Variants in RIMS1 observed in about 807,000 individuals in gnomAD.
RIMS1 encodes the protein regulating synaptic membrane exocytosis protein 1.
Under a neutral mutation model 214.1 loss-of-function variants are expected in RIMS1, and 83 were observed. That is an observed-to-expected ratio of 0.39 (90% confidence interval 0.32 to 0.47). RIMS1 has a LOEUF of 0.47. RIMS1 is among the 20% of genes least tolerant of loss of function. The pLI is 0.99. For synonymous variants in RIMS1, 793 were observed against 786.8 expected (o/e 1.01, Z -0.13); for missense variants, 2,050 against 2,161.8 (o/e 0.95, Z 1.03).
intron 1 of RIMS1, among the ~76,000 whole-genome samples, chr6:71,894,209 C>T (rs2150371846): frequency 6.6e-6 from 1 of 152,270 alleles, no homozygotes; most frequent in East Asian, 1.9e-4. Flanking sequence ...CTTTGGGAGG[C>T]CAAAGCGGGT....
At chr6:71,919,936 T>C (rs946716303) in intron 1 of RIMS1, among the ~76,000 whole-genome samples, 2 of 152,162 alleles carry the variant, frequency 1.3e-5, no homozygotes, top group African/African-American at 4.8e-5. Flanking sequence ...CAACTCTGAC[T>C]TCAACTCCAA....
chr6:72,157,928 T>C (rs1229228213), intron 4 of RIMS1, among the ~76,000 whole-genome samples: 1 of 140,662 alleles, frequency 7.1e-6, no homozygotes, highest in Non-Finnish European at 1.6e-5. Flanking sequence ...AATCTTATGT[T>C]ATTAATGCTT....
intron 2 of RIMS1, among the ~76,000 whole-genome samples, chr6:72,018,500 A>G (rs923859845): frequency 2.0e-5 from 3 of 152,204 alleles, no homozygotes; most frequent in Admixed American, 6.5e-5. Context: ...GTTATAGAAT[A>G]GGCATTTATA....
At chr6:72,060,787 T>C (rs1004518536) in intron 2 of RIMS1, among the ~76,000 whole-genome samples, 2 of 152,254 alleles carry the variant, frequency 1.3e-5, no homozygotes, top group African/African-American at 4.8e-5. Context: ...AATTACTGAA[T>C]GTATAATCTT....
At chr6:71,898,043 T>C (rs949260910) in intron 1 of RIMS1, among the ~76,000 whole-genome samples, 2 of 152,154 alleles carry the variant, frequency 1.3e-5, no homozygotes, top group South Asian at 4.1e-4. Flanking sequence ...ATACTAGACA[T>C]TATAAGGTAA....
chr6:72,115,662 A>G (rs1034945187), intron 4 of RIMS1, among the ~76,000 whole-genome samples: 1 of 151,996 alleles, frequency 6.6e-6, no homozygotes, highest in Admixed American at 6.6e-5. Flanking sequence ...AAATTGTACT[A>G]TGTGAATTGG....
At chr6:72,037,559 C>T (rs1181162964) in intron 2 of RIMS1, among the ~76,000 whole-genome samples, 2 of 151,672 alleles carry the variant, frequency 1.3e-5, no homozygotes, top group East Asian at 3.9e-4. Flanking sequence ...ATCAAAAAAA[C>T]CCTACGTATA....
chr6:72,269,438 AG>A (rs2082028190), intron 22 of RIMS1, among the ~76,000 whole-genome samples: 1 of 152,156 alleles, frequency 6.6e-6, no homozygotes, highest in Non-Finnish European at 1.5e-5. Context: ...TTTCTATAAA[AG>A]GTTCCCACTC....
intron 2 of RIMS1, among the ~76,000 whole-genome samples, chr6:72,015,889 G>A (rs1410724497): frequency 6.6e-6 from 1 of 152,178 alleles, no homozygotes; most frequent in Admixed American, 6.5e-5. Context: ...TCGCGCCATT[G>A]TACTCCAGGC....
At chr6:71,977,433 T>C (rs768549531) in intron 2 of RIMS1, among the ~76,000 whole-genome samples, 2 of 152,188 alleles carry the variant, frequency 1.3e-5, no homozygotes, top group Non-Finnish European at 2.9e-5. Context: ...GCATAACATA[T>C]TGCCAGGCCC....
chr6:72,129,685 T>A (rs2040143367), intron 4 of RIMS1, among the ~76,000 whole-genome samples: 1 of 152,074 alleles, frequency 6.6e-6, no homozygotes, highest in Non-Finnish European at 1.5e-5. Context: ...GATGGGACCC[T>A]ATGTGATTTA....
intron 1 of RIMS1, among the ~76,000 whole-genome samples, chr6:71,937,980 C>T (rs1021106971): frequency 1.3e-5 from 2 of 152,236 alleles, no homozygotes; most frequent in Middle Eastern, 3.4e-3. Flanking sequence ...AGGCATGATT[C>T]GTCCTGAGGC....
At chr6:72,217,100 A>C (rs914957615) in intron 6 of RIMS1, 1 of 1,512,610 alleles carries the variant, frequency 6.6e-7, no homozygotes, top group African/African-American at 1.4e-5. Flanking sequence ...TGGATTTTTT[A>C]ATTGTGTTGT....
At chr6:72,057,307 G>A (rs1341765547) in intron 2 of RIMS1, among the ~76,000 whole-genome samples, 1 of 152,076 alleles carries the variant, frequency 6.6e-6, no homozygotes, top group African/African-American at 2.4e-5. Context: ...ACAAATACAG[G>A]AGAATGGATG....
At chr6:72,160,874 G>T (rs556751597) in intron 4 of RIMS1, among the ~76,000 whole-genome samples, 1 of 140,284 alleles carries the variant, frequency 7.1e-6, no homozygotes, top group African/African-American at 2.5e-5. Context: ...CCAGGCTTTG[G>T]TATCAGGATG....
chr6:72,069,486 G>A (rs1830092551), intron 2 of RIMS1, among the ~76,000 whole-genome samples: 1 of 152,238 alleles, frequency 6.6e-6, no homozygotes, highest in African/African-American at 2.4e-5. Flanking sequence ...AGTTCTGCAA[G>A]TTAGTGTTGT....
intron 29 of RIMS1, among the ~76,000 whole-genome samples, chr6:72,376,370 T>C (rs2098379317): frequency 6.6e-6 from 1 of 152,026 alleles, no homozygotes. Context: ...GAGAATTGAG[T>C]CTCCAGTAAG....
At chr6:72,236,508 T>C (rs2064112917) in intron 8 of RIMS1, among the ~76,000 whole-genome samples, 1 of 152,136 alleles carries the variant, frequency 6.6e-6, no homozygotes. Flanking sequence ...TATCTTCATG[T>C]AGAAATAATA....
intron 25 of RIMS1, among the ~76,000 whole-genome samples, chr6:72,291,084 T>C (rs2093323368): frequency 6.6e-6 from 1 of 152,200 alleles, no homozygotes; most frequent in African/African-American, 2.4e-5. Flanking sequence ...CATTGAAAAT[T>C]AAATTTGGCT....
Sources: allele counts gnomAD v4.1 joint callset (sites outside exome capture counted in the v4.1 genomes callset), GRCh38; gene constraint gnomAD v4.1.1; transcripts MANE v1.5; gene names NCBI Gene and HGNC (gene_info 2026-07-23, HGNC 2026-07-21).